RUNDC3A: variants seen among roughly 807,000 people sequenced by gnomAD.
RUNDC3A encodes RUN domain containing 3A.
Under a neutral mutation model 53.9 loss-of-function variants are expected in RUNDC3A, and 28 were observed. The ratio of observed to expected loss-of-function variants is 0.52; its 90% CI spans 0.38 to 0.71. The LOEUF (loss-of-function observed/expected upper bound fraction) is 0.71. Ranked by LOEUF, RUNDC3A falls within the 30% of genes least tolerant of loss-of-function variation. RUNDC3A has a pLI of 0.00. For missense variants in RUNDC3A, 491 were observed against 597.3 expected (o/e 0.82, Z 1.85); for synonymous variants, 232 against 249.4 (o/e 0.93, Z 0.66).
chr17:44,313,015 T>G, intron 2 of RUNDC3A, 89 bp from the exon 3 acceptor site: 3 of 1,410,582 alleles, frequency 2.1e-6, no homozygotes, highest in Non-Finnish European at 3.0e-6. Flanking sequence ...GGGAGGAGGC[T>G]GCTTATGCTT....
chr17:44,314,964 C>T lies in RUNDC3A; in HGVS notation c.584C>T (p.Thr195Ile). The T allele has an allele frequency of 6.2e-7, 1 of 1,614,012 alleles. No homozygotes were observed. The highest frequency in any genetic ancestry group is 1.1e-5 in the South Asian group (1 of 91,092). ...CLKGEVLDGK[T>I]PVVIDYTPYL... ...AAGGGGGAAGTCCTGGACGGGAAGA[C>T]CCCCGTGGTCATCGATTACACGCCC... The change falls in exon 6 of 11, where the codon ACC becomes ATC. Residue 195 changes from threonine (T) to isoleucine (I), a missense_variant. Coordinates refer to ENST00000426726, the MANE Select transcript of RUNDC3A (RefSeq NM_001144825.2).
Position 44,308,764 on chromosome 17 carries a change from G to A in RUNDC3A, c.-69G>A. The stretch of plus-strand genomic sequence containing the variant: ...GGACAGAGGGCCCAGCCGTGATCCA[G>A]CGACGGGTTTGGGGCTCCGGGAGGG... On this transcript the variant is annotated 5_prime_UTR_variant, in exon 1 of 11. Transcript: ENST00000426726. The A allele has an allele frequency of 9.3e-7, 1 of 1,071,854 alleles. No individual in the cohort carries two copies. The highest frequency in any genetic ancestry group is 1.6e-5 in the South Asian group (1 of 63,674). The allele number at this position is 1,071,854 out of a possible 1,614,324, so 66.4% of individuals were successfully genotyped here.
rs1598322758 is a variant in RUNDC3A, at chr17:44,310,864, T to G, written c.108-1716T>G. The G allele has an allele frequency of 4.1e-6, 4 of 985,346 alleles. No homozygotes were observed. The East Asian group carries it at 4.5e-4, about 112-fold the overall frequency. The allele number at this position is 985,346 out of a possible 1,614,324, so 61.0% of individuals were successfully genotyped here. A position where few individuals can be genotyped will look rare whatever the true frequency, so the allele number is the denominator to read the frequency against. On this transcript the variant is annotated intron_variant, in intron 1 of 10. Transcript: ENST00000426726. The stretch of plus-strand genomic sequence containing the variant: ...CAAGCTGGCAGGAGGGTGCGCATAG[T>G]GAAGCTGGAATAATGCCCCAAACAC...
rs1598324695 is a variant in RUNDC3A at position 44,312,538 on chromosome 17, A to C, written c.108-42A>C. ...CTCTCCCTCCATCACCTGTTTCCTC[A>C]CCTGACACCCCACTGCCCCATCTCC... On this transcript the variant is annotated intron_variant, in intron 1 of 10. Coordinates refer to ENST00000426726, the MANE Select transcript of RUNDC3A (RefSeq NM_001144825.2). 3.4e-6 allele frequency: 4 copies of C among 1,160,136 alleles called. No individual in the cohort carries two copies. The African/African-American group carries it at 4.7e-5, about 14-fold the overall frequency. The allele number at this position is 1,160,136 out of a possible 1,614,324, so 71.9% of individuals were successfully genotyped here.
In RUNDC3A at chr17:44,313,155, G is replaced by T; in HGVS notation, c.275G>T (p.Gly92Val). Residue 92 changes from glycine (G) to valine (V), a missense_variant, in exon 3 of 11, where the codon GGC (glycine) becomes GTC (valine). Gly to Val is a moderately radical substitution (Grantham distance 109). Around this residue, in one of 2 missense-constraint regions of RUNDC3A, gnomAD observed 273 missense variants for 389.0 expected, o/e 0.70. Transcript: ENST00000426726. ...TGGTTCAGCTCAGACGGGCAGCGGGGCTTTTGGGACTATATCCGGCTGGCC... is the reference window on the plus strand; with the variant it reads ...TGGTTCAGCTCAGACGGGCAGCGGGTCTTTTGGGACTATATCCGGCTGGCC... ...VSWFSSDGQRGFWDYIRLACS... is the reference protein window; with the variant it reads ...VSWFSSDGQRVFWDYIRLACS... 1.9e-6 allele frequency: 3 copies of T among 1,614,062 alleles called. No homozygotes were observed.
At chr17:44,314,028 T>G in intron 4 of RUNDC3A, 1 of 992,262 alleles carries the variant, frequency 1.0e-6, no homozygotes, top group Non-Finnish European at 1.2e-6. Context: ...CTAATGCCCA[T>G]TATTTGCCAT....
Position 44,318,150 on chromosome 17 carries a change from C to A in RUNDC3A, c.1253C>A (p.Pro418His). 1 of 1,551,544 alleles carries A rather than the reference C, an allele frequency of 6.4e-7. No individual in the cohort carries two copies. Among genetic ancestry groups the A allele is most frequent in the Non-Finnish European group, 8.7e-7 (1 of 1,146,974 alleles). ...LGLCGSLASI[P>H]SCKSLASFKS... ...CTCTGCGGCTCCCTGGCCTCCATTC[C>A]CAGCTGCAAGTCCCTGGCGAGCTTC... The change falls in exon 11 of 11, where the codon CCC becomes CAC. Residue 418 changes from proline to histidine, a missense_variant. Coordinates refer to ENST00000426726, the MANE Select transcript of RUNDC3A (RefSeq NM_001144825.2).
At position 44,313,439 on chromosome 17, in the gene RUNDC3A, G is replaced by A; in HGVS notation, c.394G>A (p.Ala132Thr). The change falls in exon 4 of 11, where the codon GCA becomes ACA. Residue 132 changes from alanine (A) to threonine (T), a missense_variant. Ala to Thr is a moderately conservative substitution (Grantham distance 58). Around this residue, in one of 2 missense-constraint regions of RUNDC3A, gnomAD observed 273 missense variants for 389.0 expected, o/e 0.70. Coordinates refer to ENST00000426726, the MANE Select transcript of RUNDC3A (RefSeq NM_001144825.2). ...RAKGRAWIRVALMEKRMSEYI... is the reference protein window; with the variant it reads ...RAKGRAWIRVTLMEKRMSEYI... Reference sequence around the variant, plus strand: ...CCAGGGCCGGGCATGGATCCGGGTGGCACTGATGGAGAAGCGCATGTCAGA... The same window carrying A: ...CCAGGGCCGGGCATGGATCCGGGTGACACTGATGGAGAAGCGCATGTCAGA... 5 of 1,613,904 alleles carry A rather than the reference G, an allele frequency of 3.1e-6. No homozygotes were observed. The highest frequency in any genetic ancestry group is 4.2e-6 in the Non-Finnish European group (5 of 1,179,842).
rs1387811196 is a variant in RUNDC3A at position 44,318,226 on chromosome 17, G to A, written c.1329G>A (p.Leu443=). 1 of 1,550,516 alleles carries A rather than the reference G, an allele frequency of 6.4e-7. No homozygotes were observed. Among genetic ancestry groups the A allele is most frequent in the Admixed American group, 2.0e-5 (1 of 51,000 alleles). Residue 443 remains leucine (L), a synonymous_variant, in exon 11 of 11, where the codon CTG becomes CTA. Coordinates refer to ENST00000426726, the MANE Select transcript of RUNDC3A (RefSeq NM_001144825.2). ...VSDSPEGSPA[L]SPS Reference sequence around the variant, plus strand: ...ACAGTCCCGAGGGCAGCCCAGCACTGAGCCCCAGCTGAGGAACAGCATGGG... The same window carrying A: ...ACAGTCCCGAGGGCAGCCCAGCACTAAGCCCCAGCTGAGGAACAGCATGGG...
chr17:44,316,309 C>T, intron 8 of RUNDC3A, 76 bp from the exon 9 acceptor site: 12 of 1,417,074 alleles, frequency 8.5e-6, no homozygotes, highest in Non-Finnish European at 1.1e-5. Context: ...CTGACCCCTC[C>T]CTCATCCCCT....
intron 4 of RUNDC3A, chr17:44,314,428 G>A: frequency 1.6e-6 from 2 of 1,276,476 alleles, no homozygotes; most frequent in Middle Eastern, 3.1e-4. Flanking sequence ...CGCACCTACT[G>A]TATACCAAGC....
At position 44,318,200 on chromosome 17, in the gene RUNDC3A, G is replaced by A. The variant is rs9902629; in HGVS notation, c.1303G>A (p.Asp435Asn). The A allele has an allele frequency of 7.5e-4, 1,162 of 1,551,348 alleles. 16 individuals are homozygous for A. The Admixed American group carries it at 0.017, about 23-fold the overall frequency. ...SFKSNECLVS[D>N]SPEGSPALSP... ...CAAATCCAACGAGTGCCTGGTGAGC[G>A]ACAGTCCCGAGGGCAGCCCAGCACT... Residue 435 changes from aspartate (D) to asparagine (N), a missense_variant, in exon 11 of 11, where the codon GAC becomes AAC. Physicochemically the swap from Asp to Asn is conservative, Grantham distance 23. Around this residue, in one of 2 missense-constraint regions of RUNDC3A, gnomAD observed 218 missense variants for 208.2 expected, o/e 1.05. Transcript: ENST00000426726.
intron 1 of RUNDC3A, 79 bp downstream of exon 1, chr17:44,309,018 C>T (rs1598320381): frequency 2.0e-6 from 2 of 979,404 alleles, no homozygotes; most frequent in African/African-American, 3.3e-5. Flanking sequence ...GGACTGAGCG[C>T]TGCCGCGGAG....
rs1327153885 is a variant in RUNDC3A, at chr17:44,314,955, A to G, written c.575A>G (p.Asp192Gly). Residue 192 changes from aspartate (D) to glycine (G), a missense_variant, in exon 6 of 11, where the codon GAC becomes GGC. Asp to Gly is a moderately conservative substitution (Grantham distance 94, BLOSUM62 -1). Coordinates refer to ENST00000426726, the MANE Select transcript of RUNDC3A (RefSeq NM_001144825.2). Reference protein sequence around the residue: ...FSFCLKGEVLDGKTPVVIDYT... With the variant: ...FSFCLKGEVLGGKTPVVIDYT... ...TTCTGTCTAAAGGGGGAAGTCCTGG[A>G]CGGGAAGACCCCCGTGGTCATCGAT... is the stretch of plus-strand genomic sequence containing the variant. The G allele has an allele frequency of 1.2e-6, 2 of 1,613,960 alleles. No individual in the cohort carries two copies.
At chr17:44,316,557 G>A (rs1038329894) in intron 9 of RUNDC3A, 35 bp downstream of exon 9, 22 of 1,596,466 alleles carry the variant, frequency 1.4e-5, no homozygotes, top group Non-Finnish European at 1.8e-5. Flanking sequence ...GGGCCTGAGA[G>A]CGGGTCGTCC....
intron 4 of RUNDC3A, chr17:44,313,751 G>A (rs569746268): frequency 4.3e-5 from 50 of 1,167,276 alleles, no homozygotes; most frequent in Middle Eastern, 6.7e-4. Context: ...GCGCGATCTC[G>A]GCTCACTGCA....
intron 10 of RUNDC3A, chr17:44,317,888 C>T (rs2047903674): frequency 1.7e-6 from 1 of 596,764 alleles, no homozygotes; most frequent in Admixed American, 2.9e-5. Context: ...ACAGAGACAT[C>T]AACTGACGAT....
chr17:44,315,570 G>T lies in RUNDC3A; in HGVS notation c.914G>T (p.Arg305Leu). The change falls in exon 8 of 11, where the codon CGG becomes CTG. Residue 305 changes from arginine to leucine, a missense_variant. Arg to Leu is a moderately radical substitution (Grantham distance 102). Coordinates refer to ENST00000426726, the MANE Select transcript of RUNDC3A (RefSeq NM_001144825.2). The surrounding 1 kb of genome is among the most constrained non-coding windows in gnomAD (Gnocchi z 6.1). ...GCGGCGCAGAACCAGCGCGAGAAAC[G>T]GGAGCTGGAAGGCGTGATCCTGGAG... is the stretch of plus-strand genomic sequence containing the variant. ...EAAAQNQREK[R>L]ELEGVILELQ... 1 of 1,511,688 alleles carries T rather than the reference G, an allele frequency of 6.6e-7. No individual in the cohort carries two copies. The highest frequency in any genetic ancestry group is 2.8e-5 in the East Asian group (1 of 35,716). The allele number at this position is 1,511,688 out of a possible 1,614,324, so 93.6% of individuals were successfully genotyped here.
At chr17:44,313,988 AC>A (rs774802318) in intron 4 of RUNDC3A, 1 of 990,940 alleles carries the variant, frequency 1.0e-6, no homozygotes. Flanking sequence ...AACTTTTACC[AC>A]CACCACCACC....
Sources: gnomAD v4.1 joint callset for allele counts on GRCh38, gnomAD v4.1.1 for gene constraint, gnomAD v4.1.1 regional missense constraint, Gnocchi (gnomAD v3.1) non-coding constraint, MANE v1.5 for transcripts, NCBI Gene and HGNC (gene_info 2026-07-23, HGNC 2026-07-21) for gene names.